PLEKHG1: variants seen among roughly 807,000 people sequenced by gnomAD.
The protein encoded by PLEKHG1 is pleckstrin homology and RhoGEF domain containing G1.
A neutral mutation model predicts 100.8 loss-of-function variants in PLEKHG1; 44 were observed. That is an observed-to-expected ratio of 0.44 (90% CI 0.34 to 0.56). The LOEUF is 0.56. Among genes scored for constraint, PLEKHG1 ranks in the 20% least tolerant of loss-of-function variants. The pLI is 0.01. For missense variants in PLEKHG1, 1,545 were observed against 1,720.9 expected, an observed-to-expected ratio of 0.90 and a Z score of 1.81; for synonymous variants, 640 against 662.5, an observed-to-expected ratio of 0.97 and a Z score of 0.52.
exon 7 of PLEKHG1, chr6:150,804,720 C>T (rs367599023): frequency 1.5e-5 from 24 of 1,613,730 alleles, no homozygotes; most frequent in South Asian, 3.3e-5. Context: ...AGCGGAAACA[C>T]GAGCACGCGG....
At chr6:150,636,307 G>A (rs748438239) in intron 1 of PLEKHG1, among the ~76,000 whole-genome samples, 22 of 151,968 alleles carry the variant, frequency 1.4e-4, no homozygotes, top group Admixed American at 1.3e-3. Flanking sequence ...AAAAAAGCTA[G>A]TGTAACACAT....
At chr6:150,824,136 G>A (rs1302514014) in intron 14 of PLEKHG1, among the ~76,000 whole-genome samples, 1 of 152,226 alleles carries the variant, frequency 6.6e-6, no homozygotes, top group Non-Finnish European at 1.5e-5. Flanking sequence ...GACGTAAGAG[G>A]TGATGGCGTA....
At chr6:150,724,822 A>C (rs1405212795) in intron 1 of PLEKHG1, among the ~76,000 whole-genome samples, 1 of 152,008 alleles carries the variant, frequency 6.6e-6, no homozygotes, top group Non-Finnish European at 1.5e-5. Flanking sequence ...CTGCCTTCCA[A>C]AGTGCCAGGA....
chr6:150,702,558 GT>G (rs1780838182), intron 3 of PLEKHG1, among the ~76,000 whole-genome samples: 1 of 1,688 alleles, frequency 5.9e-4, no homozygotes, highest in African/African-American at 8.3e-4. Flanking sequence ...TTGTTTTGGG[GT>G]GTGTGTGTGT....
chr6:150,644,324 T>C (rs73004320), intron 2 of PLEKHG1, among the ~76,000 whole-genome samples: 3 of 147,654 alleles, frequency 2.0e-5, no homozygotes, highest in Non-Finnish European at 4.4e-5. Context: ...AGTGGTTTTT[T>C]TCTTTTCGTG....
Position 150,683,548 on chromosome 6 carries a change from C to A in PLEKHG1, c.-99+32762C>A. ...GCTGACCTCCCAGACAGGACATTAC[C>A]CTTCTTCCTCTTCCTGACCACTGCT... On this transcript the variant is annotated intron_variant, in intron 3 of 3. Coordinates refer to the PLEKHG1 transcript ENST00000367326. The surrounding 1 kb of genome is among the most constrained non-coding windows in gnomAD (Gnocchi z 4.0). 1 of 269,368 alleles carries A rather than the reference C, an allele frequency of 3.7e-6. No individual in the cohort carries two copies. Among genetic ancestry groups the A allele is most frequent in the Non-Finnish European group, 7.3e-6 (1 of 136,822 alleles). The allele number at this position is 269,368 out of a possible 1,614,324, so 16.7% of individuals were successfully genotyped here.
At chr6:150,690,757 C>T (rs1469011484) in intron 3 of PLEKHG1, among the ~76,000 whole-genome samples, 2 of 152,200 alleles carry the variant, frequency 1.3e-5, no homozygotes, top group Non-Finnish European at 2.9e-5. Context: ...TAATCAGGAA[C>T]AAACATTTGC....
At chr6:150,783,391 C>T (rs1260978729) in intron 3 of PLEKHG1, among the ~76,000 whole-genome samples, 2 of 146,220 alleles carry the variant, frequency 1.4e-5, no homozygotes, top group Admixed American at 6.9e-5. Flanking sequence ...TTTTTTTTAA[C>T]GGAGTCTCAC....
At position 150,785,368 on chromosome 6, in the gene PLEKHG1, T is replaced by C. The variant is rs1264550906; in HGVS notation, c.513-1022T>C. Among the ~76,000 whole-genome samples the C allele has an allele frequency of 3.9e-5, 6 of 152,194 alleles. No homozygotes were observed. In the South Asian group the frequency reaches 1.0e-3, roughly 26 times the overall value. ...ATAGTAAGGTGTATATTAGTATAACTCATGTGGAGTGCAATTTAGAAATGT... is the reference window on the plus strand; with the variant it reads ...ATAGTAAGGTGTATATTAGTATAACCCATGTGGAGTGCAATTTAGAAATGT... On this transcript the variant is annotated intron_variant, in intron 3 of 15. Transcript: ENST00000358517.
At chr6:150,700,154 G>A (rs1201801981) in intron 3 of PLEKHG1, among the ~76,000 whole-genome samples, 2 of 152,210 alleles carry the variant, frequency 1.3e-5, no homozygotes, top group East Asian at 1.9e-4. Flanking sequence ...GCTACAGGGA[G>A]AGAAGGAGGC....
intron 2 of PLEKHG1, among the ~76,000 whole-genome samples, chr6:150,649,949 T>C (rs1778652283): frequency 6.6e-6 from 1 of 151,878 alleles, no homozygotes; most frequent in Non-Finnish European, 1.5e-5. Context: ...GAGGCGGAGC[T>C]TGCAGTAAGC....
intron 2 of PLEKHG1, among the ~76,000 whole-genome samples, chr6:150,745,892 C>T (rs1322739086): frequency 1.3e-5 from 2 of 151,860 alleles, no homozygotes. Context: ...CCACCAGCTG[C>T]CCACACCGGC....
intron 6 of PLEKHG1, among the ~76,000 whole-genome samples, chr6:150,803,981 C>T (rs895504674): frequency 6.0e-5 from 9 of 150,090 alleles, no homozygotes; most frequent in African/African-American, 2.0e-4. Flanking sequence ...ACTATAATAT[C>T]GCTATGAAAC....
intron 1 of PLEKHG1, among the ~76,000 whole-genome samples, chr6:150,624,384 AC>A (rs1250703173): frequency 1.3e-5 from 2 of 152,018 alleles, no homozygotes; most frequent in African/African-American, 4.8e-5. Flanking sequence ...CACATCCTCA[AC>A]ACTCGAGCCC....
chr6:150,646,628 C>A lies in PLEKHG1; in HGVS notation c.-157-4100C>A, dbSNP rs192389833. Among the ~76,000 whole-genome samples the A allele has an allele frequency of 3.5e-4, 53 of 152,202 alleles. 1 individual carries two copies. The East Asian group carries it at 0.01, about 29-fold the overall frequency. On this transcript the variant is annotated intron_variant, in intron 2 of 3. Transcript: ENST00000367326. The stretch of plus-strand genomic sequence containing the variant: ...CAGCTCAAAGAAGGGCAGGTAGAAG[C>A]AAGAAAGGGGTTTTTATGTTGCAGT...
At chr6:150,722,054 G>A (rs1159795803) in intron 1 of PLEKHG1, among the ~76,000 whole-genome samples, 2 of 151,854 alleles carry the variant, frequency 1.3e-5, no homozygotes, top group Admixed American at 6.6e-5. Flanking sequence ...AAAATTATTC[G>A]TTTTACTCAG....
intron 2 of PLEKHG1, among the ~76,000 whole-genome samples, chr6:150,763,044 T>TTTTTTTTTTTTAG (rs1784261257): frequency 6.8e-6 from 1 of 146,148 alleles, no homozygotes; most frequent in Non-Finnish European, 1.5e-5. Flanking sequence ...TTTTTTTTTT[T>TTTTTTTTTTTTAG]GAGACGGAGT....
intron 2 of PLEKHG1, among the ~76,000 whole-genome samples, chr6:150,641,562 A>T (rs275343): frequency 0.32 from 49,264 of 152,130 alleles, 8,437 homozygotes; most frequent in African/African-American, 0.45. Flanking sequence ...AATATTCAAT[A>T]TGAACAGTTC....
intron 3 of PLEKHG1, among the ~76,000 whole-genome samples, chr6:150,654,894 G>T (rs536534607): frequency 6.6e-6 from 1 of 152,354 alleles, no homozygotes; most frequent in African/African-American, 2.4e-5. Flanking sequence ...CAGAGGACAG[G>T]GATGGAAATG....
Sources: allele counts gnomAD v4.1 joint callset (sites outside exome capture counted in the v4.1 genomes callset), GRCh38; gene constraint gnomAD v4.1.1; non-coding constraint Gnocchi (gnomAD v3.1); transcripts MANE v1.5; gene names NCBI Gene and HGNC (gene_info 2026-07-23, HGNC 2026-07-21).